ATP11A: variants seen among roughly 807,000 people sequenced by gnomAD.
The protein encoded by ATP11A is phospholipid-transporting ATPase IH.
ATP11A carries 81 observed loss-of-function variants against 154.4 expected under a neutral mutation model. The ratio of observed to expected loss-of-function variants is 0.52; its 90% CI spans 0.44 to 0.63. The LOEUF is 0.63. Among genes scored for constraint, ATP11A ranks in the 30% least tolerant of loss-of-function variants. ATP11A has a pLI of 0.00. For synonymous variants in ATP11A, 623 were observed against 585.9 expected (o/e 1.06, Z -0.91); for missense variants, 1,316 against 1,474.3 (o/e 0.89, Z 1.76).
In ATP11A at chr13:112,786,176, G is replaced by A. The variant is rs1201735145; in HGVS notation, c.162+919G>A. 1.1e-4 allele frequency among the ~76,000 whole-genome samples: 6 copies of A among 55,906 alleles called. 2 individuals are homozygous for A. Among genetic ancestry groups the A allele is most frequent in the Non-Finnish European group, 1.9e-4 (6 of 31,768 alleles). 36.7% of individuals were successfully genotyped at this position (55,906 alleles called of 152,430 possible). On this transcript the variant is annotated intron_variant, in intron 2 of 29. Coordinates refer to ENST00000375645, the MANE Select transcript of ATP11A (RefSeq NM_015205.3). ...GCTTTCCAGGTAATGCGGAACACAC[G>A]TGCCTGCATTCATACTCCATTTATC...
chr13:112,738,202 G>A (rs113101302), intron 1 of ATP11A, among the ~76,000 whole-genome samples: 348 of 152,024 alleles, frequency 2.3e-3, no homozygotes, highest in African/African-American at 7.3e-3. Flanking sequence ...GTGAAACCCC[G>A]TCTCTACTAA....
chr13:112,740,888 C>T (rs935078393), intron 1 of ATP11A, among the ~76,000 whole-genome samples: 1 of 152,342 alleles, frequency 6.6e-6, no homozygotes, highest in Admixed American at 6.5e-5. Flanking sequence ...CCGCTGCTGA[C>T]GTCATGCTGC....
At chr13:112,874,121 C>T (rs1411910176) in intron 27 of ATP11A, among the ~76,000 whole-genome samples, 4 of 152,270 alleles carry the variant, frequency 2.6e-5, no homozygotes, top group African/African-American at 4.8e-5. Flanking sequence ...TCCATCCTCA[C>T]GCCCCGCAGC....
chr13:112,791,912 A>G (rs2140079368), intron 2 of ATP11A, among the ~76,000 whole-genome samples: 1 of 152,302 alleles, frequency 6.6e-6, no homozygotes, highest in Middle Eastern at 3.4e-3. Context: ...GCCCTCACTC[A>G]GGAACGCACA....
At position 112,835,110 on chromosome 13, in the gene ATP11A, G is replaced by A. The variant is rs1465047087; in HGVS notation, c.1631+450G>A. Reference sequence around the variant, plus strand: ...GGAGCACAGCGTCGTGTCGAAAACAGTTTGCACAGTTACGCTTTTCAGTCA... The same window carrying A: ...GGAGCACAGCGTCGTGTCGAAAACAATTTGCACAGTTACGCTTTTCAGTCA... On this transcript the variant is annotated intron_variant, in intron 15 of 29. Transcript: ENST00000375645. Among the ~76,000 whole-genome samples the A allele has an allele frequency of 2.0e-5, 3 of 151,920 alleles. No homozygotes were observed. In the East Asian group the frequency reaches 5.8e-4, roughly 29 times the overall value.
chr13:112,854,641 T>C (rs563289513), intron 19 of ATP11A, 111 bp downstream of exon 19: 1 of 1,326,598 alleles, frequency 7.5e-7, no homozygotes, highest in African/African-American at 1.5e-5. Context: ...GGGAATTCGG[T>C]TCTCCCCTGG....
chr13:112,845,592 A>T (rs1366556966), intron 17 of ATP11A, among the ~76,000 whole-genome samples: 6 of 119,166 alleles, frequency 5.0e-5, no homozygotes, highest in African/African-American at 2.4e-4. Context: ...AGTGGTTCTA[A>T]CCAGTCCAGT....
chr13:112,856,256 G>A, intron 20 of ATP11A, 171 bp downstream of exon 20: 1 of 665,418 alleles, frequency 1.5e-6, no homozygotes, highest in East Asian at 2.9e-5. Context: ...TTGCTTGTCG[G>A]GCCAGCTTCT....
intron 29 of ATP11A, among the ~76,000 whole-genome samples, chr13:112,879,702 G>C (rs2080828239): frequency 6.6e-6 from 1 of 152,194 alleles, no homozygotes; most frequent in African/African-American, 2.4e-5. Flanking sequence ...GCACATGCCC[G>C]GCGCACACGG....
At chr13:112,817,025 A>C (rs1051018434) in intron 6 of ATP11A, among the ~76,000 whole-genome samples, 2 of 152,106 alleles carry the variant, frequency 1.3e-5, no homozygotes, top group African/African-American at 4.8e-5. Context: ...TTACTACATA[A>C]GTAATTTCCT....
chr13:112,755,129 G>T (rs1019288424), intron 1 of ATP11A, among the ~76,000 whole-genome samples: 1 of 151,704 alleles, frequency 6.6e-6, no homozygotes, highest in Admixed American at 6.6e-5. Context: ...ACATTTTCAC[G>T]TGTCCCCAAA....
intron 1 of ATP11A, among the ~76,000 whole-genome samples, chr13:112,693,717 C>G (rs565397025): frequency 6.6e-6 from 1 of 152,040 alleles, no homozygotes; most frequent in South Asian, 2.1e-4. Flanking sequence ...TTTGGGAGGC[C>G]GAGGTGGGTG....
chr13:112,796,341 A>G (rs1431071035), intron 2 of ATP11A, among the ~76,000 whole-genome samples: 1 of 152,198 alleles, frequency 6.6e-6, no homozygotes, highest in African/African-American at 2.4e-5. Context: ...GTGGCCAGGG[A>G]ATCAAGATTG....
intron 1 of ATP11A, among the ~76,000 whole-genome samples, chr13:112,712,592 G>T (rs939908552): frequency 6.6e-6 from 1 of 152,158 alleles, no homozygotes; most frequent in East Asian, 1.9e-4. Context: ...TGATGGTCCC[G>T]GCTGGTCAGC....
chr13:112,843,801 G>A (rs974579402), intron 17 of ATP11A, among the ~76,000 whole-genome samples: 5 of 152,212 alleles, frequency 3.3e-5, no homozygotes, highest in Admixed American at 6.5e-5. Context: ...TGAACTTCGT[G>A]GAATGCTGTC....
intron 1 of ATP11A, among the ~76,000 whole-genome samples, chr13:112,711,545 G>A (rs1397557141): frequency 3.3e-5 from 5 of 151,456 alleles, no homozygotes; most frequent in African/African-American, 4.8e-5. Context: ...GCCCAGGGAC[G>A]TCACCGTAAA....
rs1269371956 is a variant in ATP11A at position 112,884,749 on chromosome 13, G to A, written c.*2883G>A. ...AGACACGGTCACTGATTCACACCCA[G>A]TCCCTGCCACAGACCGTCTCAGACA... On this transcript the variant is annotated 3_prime_UTR_variant, in exon 30 of 30. Coordinates refer to ENST00000375645, the MANE Select transcript of ATP11A (RefSeq NM_015205.3). The A allele has an allele frequency of 6.6e-6, 1 of 152,234 alleles. No individual in the cohort carries two copies. Among genetic ancestry groups the A allele is most frequent in the African/African-American group, 2.4e-5 (1 of 41,368 alleles). The allele number at this position is 152,234 out of a possible 1,614,324, so 9.4% of individuals were successfully genotyped here.
chr13:112,881,745 G>C (rs2080890175), intron 29 of ATP11A, 131 bp from the exon 30 acceptor site: 1 of 1,330,904 alleles, frequency 7.5e-7, no homozygotes, highest in Admixed American at 2.0e-5. Flanking sequence ...GCATCCCAGA[G>C]TGGCTCAGGT....
At chr13:112,741,480 G>A (rs1891535994) in intron 1 of ATP11A, among the ~76,000 whole-genome samples, 1 of 152,194 alleles carries the variant, frequency 6.6e-6, no homozygotes, top group Non-Finnish European at 1.5e-5. Context: ...ATGGTGGAGG[G>A]CAGAGAACAA....
Sources: gnomAD v4.1 joint callset for allele counts (sites outside exome capture counted in the v4.1 genomes callset) on GRCh38, gnomAD v4.1.1 for gene constraint, MANE v1.5 for transcripts, NCBI Gene and HGNC (gene_info 2026-07-23, HGNC 2026-07-21) for gene names.